The following UTRN variants were observed in gnomAD, a reference collection of about 807,000 sequenced individuals.
UTRN encodes the protein utrophin.
Under a neutral mutation model 463.9 loss-of-function variants are expected in UTRN, and 283 were observed. That is an observed-to-expected ratio of 0.61 (90% CI 0.55 to 0.67). UTRN has a LOEUF of 0.67. Ranked by LOEUF, UTRN falls within the 30% of genes least tolerant of loss-of-function variation. The pLI is 0.00. For synonymous variants in UTRN, 1,442 were observed against 1,431.5 expected, an observed-to-expected ratio of 1.01 and a Z score of -0.17; for missense variants, 3,922 against 4,084.3, an observed-to-expected ratio of 0.96 and a Z score of 1.08.
At position 144,461,232 on chromosome 6, in the gene UTRN, A is replaced by C. The variant is rs1562435446; in HGVS notation, c.2743A>C (p.Thr915Pro). The part of the protein sequence containing the change: ...KGQPGHAYLE[T>P]LKTLKDVLND... ...CCAACCTGGACATGCATATCTGGAA[A>C]CATTGAAAACACTGAAAGATGTGCT... Residue 915 changes from threonine to proline, a missense_variant, in exon 22 of 75, where the codon ACA (threonine) becomes CCA (proline). Physicochemically the swap from Thr to Pro is conservative, Grantham distance 38. This residue lies in a region of UTRN where 2,349 missense variants were observed against 2,303.8 expected (regional missense o/e 1.02). Coordinates refer to ENST00000367545, the MANE Select transcript of UTRN (RefSeq NM_007124.3). 1.2e-6 allele frequency: 2 copies of C among 1,607,538 alleles called. No homozygotes were observed. Among genetic ancestry groups the C allele is most frequent in the Non-Finnish European group, 1.7e-6 (2 of 1,176,410 alleles).
At chr6:144,380,577 G>A (rs1415466032) in intron 2 of UTRN, among the ~76,000 whole-genome samples, 1 of 152,216 alleles carries the variant, frequency 6.6e-6, no homozygotes, top group East Asian at 1.9e-4. Context: ...TTGAGAGGCT[G>A]AGGTGGGAGG....
intron 51 of UTRN, among the ~76,000 whole-genome samples, chr6:144,646,181 A>G (rs1585759531): frequency 1.3e-5 from 2 of 152,292 alleles, no homozygotes; most frequent in South Asian, 2.1e-4. Context: ...GTGTCATGCA[A>G]TTCTATTCGG....
chr6:144,602,386 G>A lies in UTRN; in HGVS notation c.7479+25098G>A, dbSNP rs576195137. Among the ~76,000 whole-genome samples, 187 of 151,742 alleles carry A rather than the reference G, an allele frequency of 1.2e-3. 3 individuals carry two copies. The highest frequency in any genetic ancestry group is 3.4e-3 in the Middle Eastern group (1 of 294). On this transcript the variant is annotated intron_variant, in intron 51 of 74. Transcript: ENST00000367545. ...ACTCCTGACATCATGTGATCCACCC[G>A]CCTTGGCCTCCTAAAGTGCTGGAAT...
At chr6:144,312,377 T>C (rs1182068371) in intron 2 of UTRN, among the ~76,000 whole-genome samples, 1 of 151,400 alleles carries the variant, frequency 6.6e-6, no homozygotes, top group Non-Finnish European at 1.5e-5. Context: ...TGAGCCGAGA[T>C]TGCGCCACTG....
chr6:144,287,004 CCTAGGTCTGAGCCGACCCTCCCGGCCG>C (rs1007908184), intron 1 of UTRN, among the ~76,000 whole-genome samples: 1 of 152,100 alleles, frequency 6.6e-6, no homozygotes, highest in Non-Finnish European at 1.5e-5. Context: ...GGCCGGATTC[CCTAGGTCTGAGCCGACCCTCCCGGCCG>C]CCCGGCCGGG....
chr6:144,512,619 A>ACTCC (rs1383053772), intron 35 of UTRN, among the ~76,000 whole-genome samples: 1 of 151,226 alleles, frequency 6.6e-6, no homozygotes, highest in African/African-American at 2.4e-5. Context: ...AGTGGTATGC[A>ACTCC]ACCTCGACCT....
At chr6:144,483,328 A>G (rs1481129885) in intron 27 of UTRN, among the ~76,000 whole-genome samples, 1 of 152,128 alleles carries the variant, frequency 6.6e-6, no homozygotes, top group African/African-American at 2.4e-5. Flanking sequence ...ATAAGAAAAG[A>G]GGTTGTGCTT....
chr6:144,808,308 A>G (rs533258907), intron 65 of UTRN, among the ~76,000 whole-genome samples: 106 of 152,186 alleles, frequency 7.0e-4, no homozygotes, highest in African/African-American at 2.5e-3. Flanking sequence ...CATGCATTAA[A>G]CCTTTGAATT....
chr6:144,488,719 G>T lies in UTRN; in HGVS notation c.4019G>T (p.Arg1340Leu). ...ISLEKQLQVLRETDQMLQVLQ... is the reference protein window; with the variant it reads ...ISLEKQLQVLLETDQMLQVLQ... ...TTGGAAAAGCAACTCCAGGTGCTGC[G>T]GGAAACTGACCAGATGCTTCAAGTC... is the stretch of plus-strand genomic sequence containing the variant. Residue 1340 changes from arginine (R) to leucine (L), a missense_variant, in exon 30 of 75, where the codon CGG becomes CTG. Around this residue, in one of 3 missense-constraint regions of UTRN, gnomAD observed 2,349 missense variants for 2,303.8 expected, o/e 1.02. Transcript: ENST00000367545. The T allele has an allele frequency of 6.2e-7, 1 of 1,613,450 alleles. No homozygotes were observed. The highest frequency in any genetic ancestry group is 8.5e-7 in the Non-Finnish European group (1 of 1,179,626).
intron 23 of UTRN, among the ~76,000 whole-genome samples, chr6:144,471,255 A>T (rs930320435): frequency 6.6e-6 from 1 of 152,094 alleles, no homozygotes; most frequent in Admixed American, 6.6e-5. Context: ...GAGGCCATAA[A>T]ACTTCCTCAT....
chr6:144,813,597 G>A (rs908986982), intron 65 of UTRN, among the ~76,000 whole-genome samples: 7 of 152,110 alleles, frequency 4.6e-5, no homozygotes, highest in Non-Finnish European at 8.8e-5. Flanking sequence ...AAACTAAAAC[G>A]TACAATGTTT....
chr6:144,542,578 G>A (rs1798068060), intron 45 of UTRN, among the ~76,000 whole-genome samples: 1 of 152,164 alleles, frequency 6.6e-6, no homozygotes, highest in Non-Finnish European at 1.5e-5. Context: ...CAGGGGTCAG[G>A]ACAGCTAAGG....
chr6:144,488,645 C>G, intron 29 of UTRN, 28 bp from the exon 30 acceptor site: 1 of 1,604,274 alleles, frequency 6.2e-7, no homozygotes, highest in Non-Finnish European at 8.5e-7. Flanking sequence ...TGTTGGGCAA[C>G]TAATGATTCA....
At chr6:144,674,419 A>G (rs1247992149) in intron 51 of UTRN, among the ~76,000 whole-genome samples, 1 of 146,680 alleles carries the variant, frequency 6.8e-6, no homozygotes, top group African/African-American at 2.5e-5. Flanking sequence ...TTTTTTTTCT[A>G]CTTGCTCAAT....
At chr6:144,752,942 G>T (rs552119715) in intron 56 of UTRN, among the ~76,000 whole-genome samples, 1 of 152,134 alleles carries the variant, frequency 6.6e-6, no homozygotes, top group Non-Finnish European at 1.5e-5. Context: ...GTTAGTTGCT[G>T]GTTGGAAAAG....
At chr6:144,548,398 A>G (rs1052031278) in intron 46 of UTRN, among the ~76,000 whole-genome samples, 3 of 152,186 alleles carry the variant, frequency 2.0e-5, no homozygotes, top group African/African-American at 7.2e-5. Flanking sequence ...AATTTTTCTC[A>G]GTGTCAGTGC....
chr6:144,747,065 A>G (rs1790832270), intron 54 of UTRN, among the ~76,000 whole-genome samples: 1 of 152,226 alleles, frequency 6.6e-6, no homozygotes, highest in Admixed American at 6.5e-5. Context: ...TGAGGATGAA[A>G]GTTACAGTTT....
In UTRN at chr6:144,516,418, G is replaced by T; in HGVS notation, c.5403+31G>T. The T allele has an allele frequency of 1.9e-6, 3 of 1,587,230 alleles. No homozygotes were observed. In the South Asian group the frequency reaches 3.5e-5, roughly 18 times the overall value. On this transcript the variant is annotated intron_variant, in intron 38 of 74. Coordinates refer to ENST00000367545, the MANE Select transcript of UTRN (RefSeq NM_007124.3). ...TTCAAGGAGATTTCAAAACCATGGT[G>T]GTCTCATTTTTCTTCTCTATTAATT...
In UTRN at chr6:144,462,636, T is replaced by A. The variant is rs1245922604; in HGVS notation, c.2854-18T>A. The A allele has an allele frequency of 6.3e-7, 1 of 1,583,884 alleles. No homozygotes were observed. The highest frequency in any genetic ancestry group is 8.6e-7 in the Non-Finnish European group (1 of 1,169,050). ...CACATTTTTGTGCATATTTTTAATC[T>A]TTTAAAACTTTTTCCAGACCCTTGA... On this transcript the variant is annotated intron_variant, in intron 22 of 74. Transcript: ENST00000367545.
Sources: gnomAD v4.1 joint callset for allele counts (sites outside exome capture counted in the v4.1 genomes callset) on GRCh38, gnomAD v4.1.1 for gene constraint, gnomAD v4.1.1 regional missense constraint, MANE v1.5 for transcripts, NCBI Gene and HGNC (gene_info 2026-07-23, HGNC 2026-07-21) for gene names.